The following KMT5A variants were observed in gnomAD, a reference collection of about 807,000 sequenced individuals.
The protein encoded by KMT5A is N-lysine methyltransferase KMT5A.
KMT5A carries 6 observed loss-of-function variants against 40.6 expected under a neutral mutation model. That is an observed-to-expected ratio of 0.15 (90% CI 0.08 to 0.29). The LOEUF (loss-of-function observed/expected upper bound fraction) is 0.29, where lower values mean the gene tolerates loss of function less well. Among genes scored for constraint, KMT5A ranks in the 10% least tolerant of loss-of-function variants. The probability of loss-of-function intolerance (pLI) is 1.00; values close to 1 mark genes in which losing one functional copy is unlikely to be tolerated. For missense variants in KMT5A, 308 were observed against 459.1 expected, an observed-to-expected ratio of 0.67 and a Z score of 3.01; for synonymous variants, 153 against 178.8, an observed-to-expected ratio of 0.86 and a Z score of 1.15.
At position 123,396,295 on chromosome 12, in the gene KMT5A, C is replaced by T. The variant is rs1262194172; in HGVS notation, c.510-50C>T. 3.2e-6 allele frequency: 5 copies of T among 1,580,822 alleles called. No individual in the cohort carries two copies. The South Asian group carries it at 3.3e-5, about 11-fold the overall frequency. On this transcript the variant is annotated intron_variant, in intron 4 of 7. Coordinates refer to ENST00000402868, the MANE Select transcript of KMT5A (RefSeq NM_020382.7). ...GTGCCTTCTAAGGAGCTGTGTGCCT[C>T]CAGGTTTTCAGTCCTGATATTTATT...
chr12:123,389,637 C>G (rs1416742366), intron 2 of KMT5A, 83 bp downstream of exon 2: 1 of 968,190 alleles, frequency 1.0e-6, no homozygotes, highest in Non-Finnish European at 1.2e-6. Flanking sequence ...GGGTACCCGC[C>G]CGGGGCGCCC....
At chr12:123,398,182 T>C (rs1463402272) in intron 5 of KMT5A, among the ~76,000 whole-genome samples, 5 of 151,766 alleles carry the variant, frequency 3.3e-5, no homozygotes, top group Non-Finnish European at 7.4e-5. Context: ...CTTGGGAGGC[T>C]GAGATGGGAG....
At chr12:123,394,018 C>T (rs763964369) in intron 3 of KMT5A, among the ~76,000 whole-genome samples, 46 of 151,238 alleles carry the variant, frequency 3.0e-4, no homozygotes, top group Non-Finnish European at 5.2e-4. Context: ...CTGTGTTTAA[C>T]TTTTTGGGAA....
At chr12:123,385,489 A>G in intron 1 of KMT5A, among the ~76,000 whole-genome samples, 1 of 152,204 alleles carries the variant, frequency 6.6e-6, no homozygotes, top group East Asian at 1.9e-4. Flanking sequence ...ACTTGTTTTA[A>G]AAGTAGTGCA....
intron 3 of KMT5A, among the ~76,000 whole-genome samples, chr12:123,392,939 C>G (rs1566075215): frequency 6.6e-6 from 1 of 152,102 alleles, no homozygotes; most frequent in African/African-American, 2.4e-5. Context: ...TGCAGTGGTG[C>G]AATCTCGGCT....
At chr12:123,392,416 G>C (rs1877381099) in intron 3 of KMT5A, among the ~76,000 whole-genome samples, 1 of 152,140 alleles carries the variant, frequency 6.6e-6, no homozygotes, top group African/African-American at 2.4e-5. Context: ...CCAGCACTTT[G>C]GTAGGCCAAG....
chr12:123,390,144 G>A (rs1213726706), intron 2 of KMT5A: 1 of 467,146 alleles, frequency 2.1e-6, no homozygotes, highest in African/African-American at 2.0e-5. Flanking sequence ...GCAGTGATTT[G>A]AGAGGGGTCA....
intron 5 of KMT5A, among the ~76,000 whole-genome samples, chr12:123,401,038 A>G (rs1593470483): frequency 6.7e-6 from 1 of 148,554 alleles, no homozygotes; most frequent in South Asian, 2.1e-4. Context: ...CAGGTGATCC[A>G]CCTGCCTTGG....
rs959631981 is a variant in KMT5A, at chr12:123,390,705, C to T, written c.208C>T (p.Leu70Phe). The T allele has an allele frequency of 3.1e-6, 5 of 1,613,816 alleles. No homozygotes were observed. Among genetic ancestry groups the T allele is most frequent in the African/African-American group, 1.3e-5 (1 of 74,910 alleles). ...CAAATGCTCTGGAATGCGTTTCCCCCTTCAGGAAGAGAACTCAGTTACACA... is the reference window on the plus strand; with the variant it reads ...CAAATGCTCTGGAATGCGTTTCCCCTTTCAGGAAGAGAACTCAGTTACACA... The part of the protein sequence containing the change: ...PNKCSGMRFP[L>F]QEENSVTHHE... The change falls in exon 3 of 8, where the codon CTT (leucine) becomes TTT (phenylalanine). Residue 70 changes from leucine to phenylalanine, a missense_variant. Around this residue, in one of 4 missense-constraint regions of KMT5A, gnomAD observed 12 missense variants for 31.1 expected, o/e 0.39. Transcript: ENST00000402868.
rs569931723 is a variant in KMT5A, at chr12:123,407,623, G to A, written c.979G>A (p.Ala327Thr). Residue 327 changes from alanine to threonine, a missense_variant, in exon 8 of 8, where the codon GCG (alanine) becomes ACG (threonine). By Grantham distance (58) the Ala-to-Thr change is moderately conservative. Transcript: ENST00000402868. Reference sequence around the variant, plus strand: ...CATCCTCATCGCCTCCCGAGACATCGCGGCTGGGGAGGAGCTCCTGTATGA... The same window carrying A: ...CATCCTCATCGCCTCCCGAGACATCACGGCTGGGGAGGAGCTCCTGTATGA... ...HLILIASRDI[A>T]AGEELLYDYG... 18 of 1,613,748 alleles carry A rather than the reference G, an allele frequency of 1.1e-5. No individual in the cohort carries two copies. In the African/African-American group the frequency reaches 1.5e-4, roughly 13 times the overall value.
intron 6 of KMT5A, 72 bp from the exon 7 acceptor site, chr12:123,404,812 C>T: frequency 1.4e-6 from 2 of 1,474,044 alleles, no homozygotes; most frequent in East Asian, 2.3e-5. Context: ...AGCCCCAGCT[C>T]CCCGGAGACC....
rs1363905224 is a variant in KMT5A at position 123,404,910 on chromosome 12, G to A, written c.684G>A (p.Arg228=). ...MKIDLIDGKG[R]GVIATKQFSR... Reference sequence around the variant, plus strand: ...TTGACCTCATCGATGGCAAAGGCAGGGGTGTGATTGCCACCAAGCAGTTCT... The same window carrying A: ...TTGACCTCATCGATGGCAAAGGCAGAGGTGTGATTGCCACCAAGCAGTTCT... The change falls in exon 7 of 8, where the codon AGG becomes AGA. Residue 228 remains arginine (R), a synonymous_variant. Coordinates refer to ENST00000402868, the MANE Select transcript of KMT5A (RefSeq NM_020382.7). 4 of 1,612,996 alleles carry A rather than the reference G, an allele frequency of 2.5e-6. No individual in the cohort carries two copies. The highest frequency in any genetic ancestry group is 1.1e-5 in the South Asian group (1 of 91,014).
chr12:123,399,680 G>A (rs1042691563), intron 5 of KMT5A, among the ~76,000 whole-genome samples: 17 of 152,186 alleles, frequency 1.1e-4, no homozygotes, highest in South Asian at 6.2e-4. Context: ...AGACCAGCCC[G>A]TAGGGCTTGT....
chr12:123,390,197 C>T, intron 2 of KMT5A: 1 of 458,000 alleles, frequency 2.2e-6, no homozygotes, highest in South Asian at 1.6e-5. Flanking sequence ...GACAGGCCCT[C>T]CAGCCGCCCT....
At position 123,395,232 on chromosome 12, in the gene KMT5A, A is replaced by G. The variant is rs775150588; in HGVS notation, c.475A>G (p.Lys159Glu). 1.1e-5 allele frequency: 18 copies of G among 1,613,520 alleles called. No individual in the cohort carries two copies. The highest frequency in any genetic ancestry group is 1.4e-5 in the Non-Finnish European group (17 of 1,179,816). The change falls in exon 4 of 8, where the codon AAG becomes GAG. Residue 159 changes from lysine to glutamate, a missense_variant. Lys to Glu is a moderately conservative substitution (Grantham distance 56). This residue lies in a region of KMT5A where 127 missense variants were observed against 129.8 expected (regional missense o/e 0.98). Coordinates refer to ENST00000402868, the MANE Select transcript of KMT5A (RefSeq NM_020382.7). ...NAAIAKQALK[K>E]PIKGKQAPRK... ...AGCCATCGCCAAGCAAGCCCTGAAA[A>G]AGCCCATCAAGGGCAAACAGGCCCC... is the stretch of plus-strand genomic sequence containing the variant.
chr12:123,401,144 C>CTTTTTTTTT (rs58431238), intron 5 of KMT5A, among the ~76,000 whole-genome samples: 26 of 75,674 alleles, frequency 3.4e-4, no homozygotes, highest in African/African-American at 5.3e-4. Context: ...ATATATCTTT[C>CTTTTTTTTT]TTTTTTTTTT....
At chr12:123,404,677 G>A (rs1038804078) in intron 6 of KMT5A, among the ~76,000 whole-genome samples, 1 of 152,158 alleles carries the variant, frequency 6.6e-6, no homozygotes, top group African/African-American at 2.4e-5. Flanking sequence ...GTGAGGGAAC[G>A]TTCTAGAGCT....
chr12:123,396,514 T>C, intron 5 of KMT5A, 82 bp downstream of exon 5: 1 of 1,304,962 alleles, frequency 7.7e-7, no homozygotes, highest in Non-Finnish European at 1.1e-6. Flanking sequence ...TATGTGTGTG[T>C]CCTCAGCCTT....
chr12:123,406,495 GCA>G (rs752818386), intron 7 of KMT5A, among the ~76,000 whole-genome samples: 3 of 151,998 alleles, frequency 2.0e-5, no homozygotes, highest in Admixed American at 6.6e-5. Flanking sequence ...TGTATTTTTA[GCA>G]CAGACAGCGT....
Sources: gnomAD v4.1 joint callset for allele counts (sites outside exome capture counted in the v4.1 genomes callset) on GRCh38, gnomAD v4.1.1 for gene constraint, gnomAD v4.1.1 regional missense constraint, MANE v1.5 for transcripts, NCBI Gene and HGNC (gene_info 2026-07-23, HGNC 2026-07-21) for gene names.